Variants in CDH8 observed in about 807,000 individuals in gnomAD.
CDH8 encodes cadherin-8.
In CDH8, 17 loss-of-function variants were observed where a neutral mutation model predicts 68.1. The observed-to-expected ratio is 0.25, with a 90% CI of 0.17 to 0.37. The LOEUF is 0.37. Among genes scored for constraint, CDH8 ranks in the 10% least tolerant of loss-of-function variants. The pLI is 1.00. For missense variants in CDH8, 763 were observed against 999.3 expected (o/e 0.76, Z 3.19); for synonymous variants, 372 against 365.1 (o/e 1.02, Z -0.21).
chr16:61,978,497 T>C (rs1327336970), intron 2 of CDH8, among the ~76,000 whole-genome samples: 3 of 152,222 alleles, frequency 2.0e-5, no homozygotes, highest in Non-Finnish European at 4.4e-5. Context: ...TGAAATTGAA[T>C]AATTCTGATT....
chr16:61,925,213 G>A (rs1196328408), intron 2 of CDH8, among the ~76,000 whole-genome samples: 1 of 152,082 alleles, frequency 6.6e-6, no homozygotes, highest in African/African-American at 2.4e-5. Context: ...ACCACAGGGT[G>A]GCAACACTGT....
chr16:61,783,806 T>C (rs1255255834), intron 8 of CDH8, among the ~76,000 whole-genome samples: 8 of 152,144 alleles, frequency 5.3e-5, no homozygotes, highest in Admixed American at 4.6e-4. Flanking sequence ...AAAAGAATTT[T>C]CAACCCAGAA....
At chr16:61,662,950 AC>A (rs1429289340) in intron 10 of CDH8, among the ~76,000 whole-genome samples, 2 of 151,972 alleles carry the variant, frequency 1.3e-5, no homozygotes, top group East Asian at 3.9e-4. Flanking sequence ...TAAATAATAT[AC>A]CAAGAAAAAA....
intron 2 of CDH8, among the ~76,000 whole-genome samples, chr16:61,909,911 G>C (rs1013587260): frequency 2.6e-5 from 4 of 152,184 alleles, no homozygotes; most frequent in African/African-American, 9.6e-5. Context: ...CCAAGCCAGT[G>C]TTCATGGCCT....
intron 2 of CDH8, among the ~76,000 whole-genome samples, chr16:62,012,895 A>T (rs1157468460): frequency 6.6e-6 from 1 of 152,134 alleles, no homozygotes; most frequent in African/African-American, 2.4e-5. Context: ...GTTGTTTTCA[A>T]CTGGGGAAAT....
At chr16:61,875,565 G>A (rs888865379) in intron 3 of CDH8, among the ~76,000 whole-genome samples, 21 of 152,208 alleles carry the variant, frequency 1.4e-4, no homozygotes, top group African/African-American at 4.3e-4. Context: ...GTTATATAAC[G>A]CTTTCACTTC....
chr16:61,799,225 G>A (rs1336380700), intron 7 of CDH8, among the ~76,000 whole-genome samples: 4 of 152,122 alleles, frequency 2.6e-5, no homozygotes. Flanking sequence ...TGTTGATCGT[G>A]CCTGTCATAC....
intron 10 of CDH8, among the ~76,000 whole-genome samples, chr16:61,674,455 C>CCA (rs1963858012): frequency 8.4e-6 from 1 of 119,640 alleles, no homozygotes; most frequent in Non-Finnish European, 1.8e-5. Context: ...CTCCAACTCA[C>CCA]AAAAAAAAAA....
intron 1 of CDH8, among the ~76,000 whole-genome samples, chr16:62,025,000 C>A (rs889076356): frequency 6.6e-6 from 1 of 152,148 alleles, no homozygotes; most frequent in South Asian, 2.1e-4. Context: ...TAAAGAAATA[C>A]ATAAACAATT....
At chr16:61,654,251 C>A (rs1963392048) in intron 11 of CDH8, 150 bp from the exon 12 acceptor site, 1 of 678,462 alleles carries the variant, frequency 1.5e-6, no homozygotes, top group African/African-American at 1.8e-5. Context: ...AGCTAAACAT[C>A]TTTCTGAAGG....
intron 3 of CDH8, among the ~76,000 whole-genome samples, chr16:61,881,604 C>T (rs1180009366): frequency 6.6e-6 from 1 of 152,170 alleles, no homozygotes. Context: ...TAAGGTAAAT[C>T]AGGATAAACT....
chr16:61,955,342 C>T (rs985419176), intron 2 of CDH8, among the ~76,000 whole-genome samples: 2 of 152,186 alleles, frequency 1.3e-5, no homozygotes, highest in African/African-American at 4.8e-5. Context: ...GCTGTTCAAA[C>T]CATGTTCAAA....
At chr16:61,988,348 A>G (rs1473717663) in intron 2 of CDH8, among the ~76,000 whole-genome samples, 1 of 152,248 alleles carries the variant, frequency 6.6e-6, no homozygotes, top group Non-Finnish European at 1.5e-5. Context: ...ACAGAACTAT[A>G]GTCAGGGACA....
At chr16:61,863,983 T>C (rs1484342642) in intron 3 of CDH8, among the ~76,000 whole-genome samples, 2 of 152,136 alleles carry the variant, frequency 1.3e-5, no homozygotes, top group Non-Finnish European at 2.9e-5. Flanking sequence ...ACTCCTCTCA[T>C]CCTTATTAAT....
intron 8 of CDH8, among the ~76,000 whole-genome samples, chr16:61,765,342 A>G (rs1960561869): frequency 6.6e-6 from 1 of 152,038 alleles, no homozygotes; most frequent in African/African-American, 2.4e-5. Flanking sequence ...TTTGTCCCCT[A>G]AACCCCAGAT....
At chr16:61,688,921 G>A (rs1199090137) in intron 10 of CDH8, among the ~76,000 whole-genome samples, 1 of 151,952 alleles carries the variant, frequency 6.6e-6, no homozygotes, top group Admixed American at 6.6e-5. Context: ...AGGTTTGGGA[G>A]GTTTGCTCAG....
intron 2 of CDH8, among the ~76,000 whole-genome samples, chr16:61,961,759 C>T (rs1485661386): frequency 6.6e-6 from 1 of 152,138 alleles, no homozygotes; most frequent in Admixed American, 6.6e-5. Context: ...TGCCTCTATA[C>T]CTAGAACAAT....
intron 11 of CDH8, among the ~76,000 whole-genome samples, chr16:61,655,043 A>G (rs1467832368): frequency 1.3e-5 from 2 of 152,182 alleles, no homozygotes; most frequent in Non-Finnish European, 2.9e-5. Flanking sequence ...CTTTCTTTTT[A>G]TATCACCAAA....
intron 8 of CDH8, among the ~76,000 whole-genome samples, chr16:61,730,432 C>A (rs577397530): frequency 1.3e-5 from 2 of 151,408 alleles, no homozygotes; most frequent in Non-Finnish European, 3.0e-5. Flanking sequence ...TGTGTCCCGG[C>A]ACCTCTGCAA....
Sources: allele counts gnomAD v4.1 joint callset (sites outside exome capture counted in the v4.1 genomes callset), GRCh38; gene constraint gnomAD v4.1.1; transcripts MANE v1.5; gene names NCBI Gene and HGNC (gene_info 2026-07-23, HGNC 2026-07-21).